SCHIP1: variants seen among roughly 807,000 people sequenced by gnomAD.
SCHIP1 encodes the protein schwannomin-interacting protein 1.
In SCHIP1, 8 loss-of-function variants were observed where a neutral mutation model predicts 29.7. The observed-to-expected ratio is 0.27, with a 90% CI of 0.16 to 0.49. The LOEUF is 0.49. Ranked by LOEUF, SCHIP1 falls within the 20% of genes least tolerant of loss-of-function variation. The pLI, the probability that SCHIP1 is intolerant of heterozygous loss-of-function variation, is 0.99. For missense variants in SCHIP1, 193 were observed against 294.6 expected, an observed-to-expected ratio of 0.66 and a Z score of 2.52; for synonymous variants, 76 against 94.9, an observed-to-expected ratio of 0.80 and a Z score of 1.16.
chr3:159,314,616 A>G, the SCHIP1 span, among the ~76,000 whole-genome samples: 1 of 152,200 alleles, frequency 6.6e-6, no homozygotes, highest in African/African-American at 2.4e-5. Context: ...TGTGGCTACC[A>G]TTTTGTTTCC....
At chr3:159,491,929 A>C in the SCHIP1 span, among the ~76,000 whole-genome samples, 2 of 152,182 alleles carry the variant, frequency 1.3e-5, no homozygotes, top group Non-Finnish European at 2.9e-5. Flanking sequence ...AGGCAGCAGC[A>C]TTTGCAGTTC....
At chr3:159,445,663 G>A in the SCHIP1 span, among the ~76,000 whole-genome samples, 1 of 152,152 alleles carries the variant, frequency 6.6e-6, no homozygotes, top group Non-Finnish European at 1.5e-5. Context: ...TTAAGAAAAT[G>A]TGGCACATAT....
chr3:159,656,212 G>A, the SCHIP1 span, among the ~76,000 whole-genome samples: 1 of 152,158 alleles, frequency 6.6e-6, no homozygotes, highest in Non-Finnish European at 1.5e-5. Flanking sequence ...GGTGCTCTGG[G>A]TACTTCATAT....
At chr3:159,551,787 A>G in the SCHIP1 span, among the ~76,000 whole-genome samples, 1 of 152,192 alleles carries the variant, frequency 6.6e-6, no homozygotes, top group Non-Finnish European at 1.5e-5. Context: ...AAAAGTAATT[A>G]TGAGATCAAA....
the SCHIP1 span, among the ~76,000 whole-genome samples, chr3:159,677,704 C>T: frequency 6.6e-6 from 1 of 152,178 alleles, no homozygotes; most frequent in African/African-American, 2.4e-5. Context: ...AGGGAGATCT[C>T]TAGCTCTGGG....
chr3:159,867,748 C>T (rs1714769576), intron 2 of SCHIP1, among the ~76,000 whole-genome samples: 1 of 152,110 alleles, frequency 6.6e-6, no homozygotes, highest in African/African-American at 2.4e-5. Context: ...AGTCCTAGTA[C>T]ACTTCTAATT....
At chr3:159,316,077 C>G in the SCHIP1 span, among the ~76,000 whole-genome samples, 7 of 152,072 alleles carry the variant, frequency 4.6e-5, no homozygotes, top group East Asian at 5.8e-4. Context: ...AGGCTCAAAT[C>G]ATTGCCTATG....
chr3:159,546,335 G>A, the SCHIP1 span, among the ~76,000 whole-genome samples: 2 of 152,038 alleles, frequency 1.3e-5, no homozygotes, highest in Admixed American at 6.6e-5. Flanking sequence ...TAATATTTTA[G>A]CATTAACTGT....
the SCHIP1 span, chr3:159,274,314 T>G: frequency 1.0e-6 from 1 of 982,950 alleles, no homozygotes; most frequent in Non-Finnish European, 1.2e-6. Flanking sequence ...TCAATTTAGA[T>G]TATACTTTCA....
the SCHIP1 span, among the ~76,000 whole-genome samples, chr3:159,397,931 C>A: frequency 2.6e-5 from 4 of 152,218 alleles, no homozygotes; most frequent in East Asian, 7.7e-4. Context: ...AGCCTCGCTG[C>A]CACCTTGCAG....
chr3:159,622,988 T>C, the SCHIP1 span, among the ~76,000 whole-genome samples: 1 of 152,184 alleles, frequency 6.6e-6, no homozygotes, highest in Non-Finnish European at 1.5e-5. Context: ...TACACAAATA[T>C]ATATATTCAA....
At chr3:159,721,073 T>C in the SCHIP1 span, among the ~76,000 whole-genome samples, 1 of 152,208 alleles carries the variant, frequency 6.6e-6, no homozygotes, top group African/African-American at 2.4e-5. Context: ...ATTCTAGTAT[T>C]TTTCTGCTGT....
chr3:159,468,335 A>G, the SCHIP1 span, among the ~76,000 whole-genome samples: 7 of 152,268 alleles, frequency 4.6e-5, no homozygotes, highest in East Asian at 1.4e-3. Context: ...AAATAAATAT[A>G]TAAGTGAGCA....
intron 1 of SCHIP1, among the ~76,000 whole-genome samples, chr3:159,842,997 C>CTTTTTTTTTTT (rs1440922016): frequency 0.01 from 626 of 61,602 alleles, 87 homozygotes; most frequent in East Asian, 0.017. Context: ...CCCAATATTT[C>CTTTTTTTTTTT]TTTCTTTTTT....
At chr3:159,440,476 A>G in the SCHIP1 span, among the ~76,000 whole-genome samples, 1 of 152,116 alleles carries the variant, frequency 6.6e-6, no homozygotes, top group South Asian at 2.1e-4. Context: ...CAAGATTTAC[A>G]TCTTAGAGTC....
At chr3:159,543,203 GT>G in the SCHIP1 span, among the ~76,000 whole-genome samples, 2 of 149,400 alleles carry the variant, frequency 1.3e-5, no homozygotes, top group African/African-American at 2.5e-5. Context: ...GTTTTGTTTT[GT>G]TTTTTTATTT....
chr3:159,453,094 T>C, the SCHIP1 span, among the ~76,000 whole-genome samples: 1 of 152,208 alleles, frequency 6.6e-6, no homozygotes, highest in Non-Finnish European at 1.5e-5. Flanking sequence ...AGTCAGTAGC[T>C]GCTCTCATCT....
chr3:159,764,875 G>A, the SCHIP1 span: 3 of 1,580,112 alleles, frequency 1.9e-6, no homozygotes, highest in African/African-American at 2.7e-5. The surrounding 1 kb of genome is among the most constrained non-coding windows in gnomAD (Gnocchi z 6.1). Context: ...CAATGGCAAC[G>A]TGGTGGTGGC....
At chr3:159,752,597 T>A in the SCHIP1 span, among the ~76,000 whole-genome samples, 2 of 152,034 alleles carry the variant, frequency 1.3e-5, no homozygotes, top group Non-Finnish European at 2.9e-5. Context: ...GAGTGAGGTG[T>A]CTCGCATGGT....
Sources: allele counts gnomAD v4.1 joint callset (sites outside exome capture counted in the v4.1 genomes callset), GRCh38; gene constraint gnomAD v4.1.1; non-coding constraint Gnocchi (gnomAD v3.1); transcripts MANE v1.5; gene names NCBI Gene and HGNC (gene_info 2026-07-23, HGNC 2026-07-21).